SLIT3: variants seen among roughly 807,000 people sequenced by gnomAD.
The protein encoded by SLIT3 is slit guidance ligand 3.
A neutral mutation model predicts 184.0 loss-of-function variants in SLIT3; 68 were observed. The observed-to-expected ratio is 0.37, with a 90% CI of 0.30 to 0.45. The LOEUF is 0.45. Ranked by LOEUF, SLIT3 falls within the 20% of genes least tolerant of loss-of-function variation. SLIT3 has a pLI of 1.00. For missense variants in SLIT3, 1,707 were observed against 2,026.0 expected, an observed-to-expected ratio of 0.84 and a Z score of 3.02; for synonymous variants, 831 against 828.6, an observed-to-expected ratio of 1.00 and a Z score of -0.05.
chr5:168,671,881 A>G (rs1761261619), intron 33 of SLIT3, among the ~76,000 whole-genome samples: 1 of 152,012 alleles, frequency 6.6e-6, no homozygotes, highest in South Asian at 2.1e-4. Flanking sequence ...CAGCCCTTTG[A>G]TCCAGGCCTC....
intron 3 of SLIT3, among the ~76,000 whole-genome samples, chr5:169,204,248 A>G (rs1240670699): frequency 6.6e-6 from 1 of 152,142 alleles, no homozygotes; most frequent in African/African-American, 2.4e-5. Flanking sequence ...ACACAGAGAA[A>G]GATGAGGATA....
chr5:169,182,029 G>C (rs1763175874), intron 4 of SLIT3, among the ~76,000 whole-genome samples: 1 of 152,118 alleles, frequency 6.6e-6, no homozygotes, highest in Non-Finnish European at 1.5e-5. Flanking sequence ...ACGCCAACAA[G>C]AGGCCAAACC....
chr5:169,247,039 A>T (rs890551225), intron 2 of SLIT3, among the ~76,000 whole-genome samples: 4 of 151,148 alleles, frequency 2.6e-5, no homozygotes, highest in African/African-American at 9.7e-5. Flanking sequence ...GACCAGCCTG[A>T]TCAACAAGGT....
intron 6 of SLIT3, among the ~76,000 whole-genome samples, chr5:168,825,481 A>C (rs1449168914): frequency 6.6e-6 from 1 of 151,656 alleles, no homozygotes; most frequent in Non-Finnish European, 1.5e-5. Context: ...TTTACTGTGC[A>C]CCTACCATGT....
intron 4 of SLIT3, among the ~76,000 whole-genome samples, chr5:168,971,366 G>A (rs1322383389): frequency 6.6e-6 from 1 of 152,162 alleles, no homozygotes; most frequent in African/African-American, 2.4e-5. Context: ...CAGGTGGTGG[G>A]AGCTTCCACT....
chr5:168,783,284 C>T (rs569939143), intron 12 of SLIT3, among the ~76,000 whole-genome samples: 31 of 150,438 alleles, frequency 2.1e-4, no homozygotes, highest in East Asian at 5.9e-4. Context: ...TCTAAAAAAA[C>T]GGAGACATTC....
intron 4 of SLIT3, among the ~76,000 whole-genome samples, chr5:169,068,276 C>G (rs1193048681): frequency 6.6e-6 from 1 of 152,142 alleles, no homozygotes; most frequent in Admixed American, 6.5e-5. Context: ...TCACTTATAT[C>G]TCGCCATTTT....
intron 5 of SLIT3, among the ~76,000 whole-genome samples, chr5:168,853,383 C>T (rs1050009106): frequency 3.3e-5 from 5 of 152,086 alleles, no homozygotes; most frequent in African/African-American, 9.7e-5. Context: ...AACTAATAAC[C>T]AATCAAGTAA....
chr5:168,766,061 C>G (rs1325748739), intron 14 of SLIT3, among the ~76,000 whole-genome samples: 2 of 152,152 alleles, frequency 1.3e-5, no homozygotes, highest in Non-Finnish European at 1.5e-5. Context: ...AGCCAAGCTC[C>G]CATGTTTGAA....
intron 4 of SLIT3, among the ~76,000 whole-genome samples, chr5:169,159,601 C>G (rs1762413805): frequency 6.6e-6 from 1 of 152,060 alleles, no homozygotes; most frequent in Admixed American, 6.5e-5. Context: ...TGGTGAAACC[C>G]CGTCTCTACT....
chr5:168,744,519 G>A (rs10475889), intron 20 of SLIT3, among the ~76,000 whole-genome samples: 5,829 of 152,236 alleles, frequency 0.038, 139 homozygotes, highest in East Asian at 0.086. Flanking sequence ...GTCAATGCCT[G>A]GTTTCAAAGC....
intron 4 of SLIT3, among the ~76,000 whole-genome samples, chr5:168,932,446 C>T (rs1312705429): frequency 6.6e-6 from 1 of 151,654 alleles, no homozygotes; most frequent in East Asian, 1.9e-4. Flanking sequence ...TTCTCTTTCC[C>T]TAGGAGACAG....
intron 3 of SLIT3, among the ~76,000 whole-genome samples, chr5:169,237,063 C>A (rs187434554): frequency 3.9e-5 from 6 of 152,272 alleles, no homozygotes; most frequent in Admixed American, 6.5e-5. Context: ...CCAGGGGAAA[C>A]AACTTTACCA....
chr5:168,720,929 A>C (rs1255429222), intron 23 of SLIT3: 1 of 152,124 alleles, frequency 6.6e-6, no homozygotes, highest in East Asian at 1.9e-4. Flanking sequence ...TCGGCCCTGG[A>C]ATGGCTCCCG....
chr5:168,827,933 T>C (rs1481300944), intron 6 of SLIT3, among the ~76,000 whole-genome samples: 1 of 152,232 alleles, frequency 6.6e-6, no homozygotes, highest in African/African-American at 2.4e-5. Flanking sequence ...ACAGGCCATA[T>C]GGCTTGCAAA....
chr5:168,888,762 C>A (rs1760324150), intron 4 of SLIT3, among the ~76,000 whole-genome samples: 1 of 152,164 alleles, frequency 6.6e-6, no homozygotes, highest in Non-Finnish European at 1.5e-5. Flanking sequence ...AGGGGATGAT[C>A]TTCAAAGCAT....
At chr5:168,767,896 C>T (rs941135822) in intron 14 of SLIT3, among the ~76,000 whole-genome samples, 2 of 152,166 alleles carry the variant, frequency 1.3e-5, no homozygotes, top group Non-Finnish European at 2.9e-5. Context: ...GTTATTACTC[C>T]TTGTCTGACA....
intron 27 of SLIT3, among the ~76,000 whole-genome samples, 159 bp from the exon 28 acceptor site, chr5:168,696,590 G>A (rs561773797): frequency 6.6e-5 from 10 of 152,250 alleles, no homozygotes; most frequent in Admixed American, 2.0e-4. Context: ...TTGGGGTCCT[G>A]AGCAGGAAGA....
intron 4 of SLIT3, among the ~76,000 whole-genome samples, chr5:169,098,480 AT>A (rs1485929191): frequency 6.6e-6 from 1 of 152,218 alleles, no homozygotes; most frequent in African/African-American, 2.4e-5. Flanking sequence ...AAATGCTGGG[AT>A]GCACAGAGGA....
Sources: allele counts gnomAD v4.1 joint callset (sites outside exome capture counted in the v4.1 genomes callset), GRCh38; gene constraint gnomAD v4.1.1; transcripts MANE v1.5; gene names NCBI Gene and HGNC (gene_info 2026-07-23, HGNC 2026-07-21).